Variants in SGCZ observed in about 807,000 individuals in gnomAD.
SGCZ encodes the protein sarcoglycan zeta.
Under a neutral mutation model 41.3 loss-of-function variants are expected in SGCZ, and 40 were observed. That is an observed-to-expected ratio of 0.97 (90% CI 0.75 to 1.26). The LOEUF (loss-of-function observed/expected upper bound fraction) is 1.26, where lower values mean the gene tolerates loss of function less well. SGCZ is among the 50% of genes most tolerant of loss of function. SGCZ has a pLI of 0.00. For synonymous variants in SGCZ, 206 were observed against 137.5 expected, an observed-to-expected ratio of 1.50 and a Z score of -3.49; for missense variants, 552 against 369.8, an observed-to-expected ratio of 1.49 and a Z score of -4.04.
At chr8:14,200,373 T>C (rs967227644) in intron 4 of SGCZ, among the ~76,000 whole-genome samples, 17 of 152,124 alleles carry the variant, frequency 1.1e-4, no homozygotes, top group Non-Finnish European at 1.9e-4. Context: ...AATTTGTTAG[T>C]GGAAAATTGA....
chr8:14,602,048 A>G (rs1436099896), intron 1 of SGCZ, among the ~76,000 whole-genome samples: 1 of 152,122 alleles, frequency 6.6e-6, no homozygotes, highest in African/African-American at 2.4e-5. Flanking sequence ...TGAACCCGGG[A>G]GGCGGAGCTT....
chr8:15,081,131 T>C (rs1313053588), intron 1 of SGCZ, among the ~76,000 whole-genome samples: 1 of 152,148 alleles, frequency 6.6e-6, no homozygotes, highest in Non-Finnish European at 1.5e-5. Flanking sequence ...CCTAGCAAAC[T>C]CATATAGTAT....
intron 2 of SGCZ, among the ~76,000 whole-genome samples, chr8:14,361,104 C>A (rs1175707761): frequency 6.6e-6 from 1 of 152,188 alleles, no homozygotes; most frequent in African/African-American, 2.4e-5. Flanking sequence ...AATGTCTCTT[C>A]ATGTCTTGGA....
At chr8:14,731,420 G>C (rs1352722442) in intron 1 of SGCZ, among the ~76,000 whole-genome samples, 1 of 152,006 alleles carries the variant, frequency 6.6e-6, no homozygotes, top group Non-Finnish European at 1.5e-5. Flanking sequence ...AGTATTAGGA[G>C]AAATACCTGA....
chr8:15,001,528 G>C (rs1371362919), intron 1 of SGCZ, among the ~76,000 whole-genome samples: 1 of 152,088 alleles, frequency 6.6e-6, no homozygotes, highest in East Asian at 1.9e-4. Flanking sequence ...AGGAGATCGA[G>C]ACCATCCTGG....
intron 2 of SGCZ, among the ~76,000 whole-genome samples, chr8:14,352,330 A>G (rs1303946116): frequency 6.6e-6 from 1 of 152,106 alleles, no homozygotes; most frequent in African/African-American, 2.4e-5. Context: ...TAAGGATGAT[A>G]GCTTATATTA....
chr8:14,500,611 G>A (rs763912582), intron 2 of SGCZ, among the ~76,000 whole-genome samples: 2 of 151,892 alleles, frequency 1.3e-5, no homozygotes, highest in South Asian at 2.1e-4. Flanking sequence ...TACTCACTAC[G>A]AAAGATAGGA....
At chr8:14,731,956 C>A (rs905471358) in intron 1 of SGCZ, among the ~76,000 whole-genome samples, 1 of 152,116 alleles carries the variant, frequency 6.6e-6, no homozygotes, top group African/African-American at 2.4e-5. Flanking sequence ...CCAGTCGATA[C>A]CATTAATGTG....
chr8:14,963,888 A>T (rs980187155), intron 1 of SGCZ, among the ~76,000 whole-genome samples: 2 of 152,174 alleles, frequency 1.3e-5, no homozygotes, highest in Admixed American at 6.5e-5. Context: ...AGTGCTTTCT[A>T]AAATAAAACT....
chr8:15,014,125 G>T (rs1249430666), intron 1 of SGCZ, among the ~76,000 whole-genome samples: 1 of 152,170 alleles, frequency 6.6e-6, no homozygotes. Flanking sequence ...CCAAAGGTGA[G>T]TGATCTCATG....
chr8:14,778,911 G>C (rs530584631), intron 1 of SGCZ, among the ~76,000 whole-genome samples: 10 of 152,224 alleles, frequency 6.6e-5, no homozygotes, highest in Admixed American at 3.9e-4. Flanking sequence ...AACACATTAG[G>C]AATATCTTAT....
intron 2 of SGCZ, among the ~76,000 whole-genome samples, chr8:14,464,979 A>G (rs1025512966): frequency 4.0e-5 from 6 of 151,700 alleles, no homozygotes; most frequent in African/African-American, 1.4e-4. Context: ...ATATGCCAAT[A>G]CTTAATCTGT....
intron 1 of SGCZ, among the ~76,000 whole-genome samples, chr8:14,737,371 T>C (rs1799069270): frequency 6.6e-6 from 1 of 152,072 alleles, no homozygotes; most frequent in Non-Finnish European, 1.5e-5. Flanking sequence ...CAAGCTAATG[T>C]GACCCATTTT....
Position 14,998,768 on chromosome 8 carries a change from T to C in SGCZ, c.39+238817A>G, listed in dbSNP as rs112824893. 3.9e-3 allele frequency among the ~76,000 whole-genome samples: 590 copies of C among 152,322 alleles called. 5 individuals carry two copies. The highest frequency in any genetic ancestry group is 0.014 in the African/African-American group (566 of 41,580). On this transcript the variant is annotated intron_variant, in intron 1 of 7. Coordinates refer to ENST00000382080, the MANE Select transcript of SGCZ (RefSeq NM_139167.4). Reference sequence around the variant, plus strand: ...GATCTAGATGTAGCAATGTGTTGAGTGGTTTTCTGCTGAAACTCAACTCAG... The same window carrying C: ...GATCTAGATGTAGCAATGTGTTGAGCGGTTTTCTGCTGAAACTCAACTCAG...
intron 3 of SGCZ, among the ~76,000 whole-genome samples, chr8:14,292,252 A>G (rs1056429209): frequency 1.3e-5 from 2 of 152,088 alleles, no homozygotes; most frequent in African/African-American, 4.8e-5. Context: ...ATTGTAGTAC[A>G]TATACAAGTG....
rs529236741 is a variant in SGCZ at position 14,448,675 on chromosome 8, A to G, written c.234+106057T>C. On this transcript the variant is annotated intron_variant, in intron 2 of 7. Transcript: ENST00000382080. ...GTAATTCAAGTTTCCTCAGTTCATA[A>G]ATGTTCTTAGAATGTTTTCTTAGTA... Among the ~76,000 whole-genome samples the G allele has an allele frequency of 4.9e-5, 7 of 144,250 alleles. 1 individual carries two copies. In the East Asian group the frequency reaches 1.4e-3, roughly 28 times the overall value. The allele number at this position is 144,250 out of a possible 152,430, so 94.6% of individuals were successfully genotyped here.
chr8:15,151,574 A>G (rs1799180753), intron 1 of SGCZ, among the ~76,000 whole-genome samples: 1 of 152,248 alleles, frequency 6.6e-6, no homozygotes, highest in Non-Finnish European at 1.5e-5. Context: ...TTTATGATAT[A>G]GAAATCTGAA....
chr8:14,630,180 T>TA (rs1313504679), intron 1 of SGCZ, among the ~76,000 whole-genome samples: 1 of 152,134 alleles, frequency 6.6e-6, no homozygotes, highest in Non-Finnish European at 1.5e-5. Flanking sequence ...AACAGTATAG[T>TA]ATGCTCCTCA....
chr8:14,093,799 T>C (rs60953291), intron 7 of SGCZ, among the ~76,000 whole-genome samples: 18,883 of 152,152 alleles, frequency 0.12, 1,397 homozygotes, highest in African/African-American at 0.22. Context: ...GAAATAACTT[T>C]TCTAAACACT....
Sources: gnomAD v4.1 joint callset for allele counts (sites outside exome capture counted in the v4.1 genomes callset) on GRCh38, gnomAD v4.1.1 for gene constraint, MANE v1.5 for transcripts, NCBI Gene and HGNC (gene_info 2026-07-23, HGNC 2026-07-21) for gene names.